MMP16: variants seen among roughly 807,000 people sequenced by gnomAD.
The protein encoded by MMP16 is matrix metallopeptidase 16, also known as matrix metalloproteinase-16.
MMP16 carries 12 observed loss-of-function variants against 67.8 expected under a neutral mutation model. That is an observed-to-expected ratio of 0.18 (90% CI 0.11 to 0.29). The LOEUF (loss-of-function observed/expected upper bound fraction) is 0.29, where lower values mean the gene tolerates loss of function less well. Among genes scored for constraint, MMP16 ranks in the 10% least tolerant of loss-of-function variants. The pLI is 1.00. For missense variants in MMP16, 475 were observed against 765.7 expected (o/e 0.62, Z 4.48); for synonymous variants, 249 against 255.9 (o/e 0.97, Z 0.26).
intron 4 of MMP16, among the ~76,000 whole-genome samples, chr8:88,163,510 C>T (rs774893624): frequency 2.6e-5 from 4 of 151,950 alleles, no homozygotes; most frequent in Admixed American, 6.6e-5. Flanking sequence ...ATTGCAACTA[C>T]GTGGTAAAAT....
intron 1 of MMP16, among the ~76,000 whole-genome samples, chr8:88,308,139 A>AT (rs1189021942): frequency 6.6e-6 from 1 of 152,088 alleles, no homozygotes; most frequent in Non-Finnish European, 1.5e-5. Context: ...AACATCATAA[A>AT]TGCATTACTG....
At chr8:88,179,139 T>C (rs1474405313) in intron 3 of MMP16, among the ~76,000 whole-genome samples, 1 of 151,820 alleles carries the variant, frequency 6.6e-6, no homozygotes, top group South Asian at 2.1e-4. Context: ...TAAAAAAAAC[T>C]ATACCTAAGC....
At chr8:88,303,361 T>G (rs1000931392) in intron 1 of MMP16, among the ~76,000 whole-genome samples, 1 of 152,146 alleles carries the variant, frequency 6.6e-6, no homozygotes, top group Non-Finnish European at 1.5e-5. Flanking sequence ...CTCTGTGGTT[T>G]GGTCTACACA....
Position 88,098,725 on chromosome 8 carries a change from C to T in MMP16, c.1083+17782G>A, listed in dbSNP as rs1809077464. Among the ~76,000 whole-genome samples, 3 of 151,994 alleles carry T rather than the reference C, an allele frequency of 2.0e-5. No homozygotes were observed. In the South Asian group the frequency reaches 6.2e-4, roughly 31 times the overall value. ...AAACAACTTCATTGTCTATTGTGAACACCCGGCTCTCATCTGACACCTATC... is the reference window on the plus strand; with the variant it reads ...AAACAACTTCATTGTCTATTGTGAATACCCGGCTCTCATCTGACACCTATC... On this transcript the variant is annotated intron_variant, in intron 6 of 9. Coordinates refer to ENST00000286614, the MANE Select transcript of MMP16 (RefSeq NM_005941.5).
At chr8:88,212,062 C>A (rs1809520972) in intron 1 of MMP16, among the ~76,000 whole-genome samples, 1 of 152,132 alleles carries the variant, frequency 6.6e-6, no homozygotes, top group African/African-American at 2.4e-5. Flanking sequence ...TACCAAAGGG[C>A]CTTGACCAAT....
At chr8:88,195,151 T>C (rs971621707) in intron 2 of MMP16, among the ~76,000 whole-genome samples, 1 of 152,024 alleles carries the variant, frequency 6.6e-6, no homozygotes, top group Non-Finnish European at 1.5e-5. Context: ...CCTGTGCACA[T>C]TACTCTTCCA....
At chr8:88,081,352 G>T (rs1032179473) in intron 6 of MMP16, among the ~76,000 whole-genome samples, 1 of 152,114 alleles carries the variant, frequency 6.6e-6, no homozygotes, top group African/African-American at 2.4e-5. Flanking sequence ...TGGAGAAAAA[G>T]CAAACTATCA....
intron 1 of MMP16, among the ~76,000 whole-genome samples, chr8:88,279,688 C>T (rs1300220967): frequency 1.3e-5 from 2 of 152,002 alleles, no homozygotes; most frequent in Non-Finnish European, 2.9e-5. Context: ...GGGGCCACTG[C>T]ATTTGGTAAT....
chr8:88,119,197 C>T (rs533877655), intron 4 of MMP16, among the ~76,000 whole-genome samples: 1 of 152,148 alleles, frequency 6.6e-6, no homozygotes, highest in South Asian at 2.1e-4. Context: ...TAACGTGAAA[C>T]ATCTTACTTT....
intron 3 of MMP16, among the ~76,000 whole-genome samples, chr8:88,173,602 A>C (rs1166064567): frequency 2.0e-5 from 3 of 152,346 alleles, no homozygotes; most frequent in African/African-American, 7.2e-5. Flanking sequence ...AAGGGAAAGC[A>C]GACAATTGCT....
In MMP16 at chr8:88,241,803, T is replaced by C. The variant is rs185914047; in HGVS notation, c.133-44497A>G. Among the ~76,000 whole-genome samples the C allele has an allele frequency of 3.3e-3, 507 of 152,180 alleles. 5 individuals are homozygous for C. The Middle Eastern group carries it at 0.045, about 14-fold the overall frequency. The stretch of plus-strand genomic sequence containing the variant: ...GTAATGATCAAATCAGAGTAATTAG[T>C]GTATTCATTACTTCAAACATTTATC... On this transcript the variant is annotated intron_variant, in intron 1 of 9. Coordinates refer to ENST00000286614, the MANE Select transcript of MMP16 (RefSeq NM_005941.5).
chr8:88,317,951 C>T (rs572405388), intron 1 of MMP16, among the ~76,000 whole-genome samples: 19 of 152,154 alleles, frequency 1.2e-4, no homozygotes, highest in Middle Eastern at 3.4e-3. Context: ...TGAAAAATGT[C>T]GCTTTATATT....
At chr8:88,308,383 T>C (rs1811243490) in intron 1 of MMP16, among the ~76,000 whole-genome samples, 1 of 152,092 alleles carries the variant, frequency 6.6e-6, no homozygotes, top group South Asian at 2.1e-4. Flanking sequence ...ATGTTCTATC[T>C]TGTCAGTGGT....
intron 7 of MMP16, among the ~76,000 whole-genome samples, chr8:88,056,667 C>G (rs375848192): frequency 6.6e-6 from 1 of 152,062 alleles, no homozygotes; most frequent in African/African-American, 2.4e-5. Context: ...TTTTGAGCAA[C>G]GGGTATGCCC....
At chr8:88,095,887 G>C (rs1409614525) in intron 6 of MMP16, among the ~76,000 whole-genome samples, 1 of 151,916 alleles carries the variant, frequency 6.6e-6, no homozygotes, top group Non-Finnish European at 1.5e-5. Flanking sequence ...ATTGGAAATG[G>C]AGTAGTGAAT....
At chr8:88,251,085 T>G (rs1322842381) in intron 1 of MMP16, among the ~76,000 whole-genome samples, 2 of 151,954 alleles carry the variant, frequency 1.3e-5, no homozygotes, top group African/African-American at 4.8e-5. Context: ...ATTTCATCCA[T>G]GTCCCTACAA....
At chr8:88,210,780 C>T in intron 1 of MMP16, among the ~76,000 whole-genome samples, 1 of 152,056 alleles carries the variant, frequency 6.6e-6, no homozygotes, top group Non-Finnish European at 1.5e-5. Context: ...CATCCCCATA[C>T]CCAGAGATAA....
At chr8:88,066,951 T>C (rs1206978585) in intron 7 of MMP16, among the ~76,000 whole-genome samples, 2 of 152,074 alleles carry the variant, frequency 1.3e-5, no homozygotes. Context: ...TTATTCAAAA[T>C]GTGGGCATCA....
chr8:88,111,106 G>A (rs1374413204), intron 6 of MMP16, among the ~76,000 whole-genome samples: 8 of 151,550 alleles, frequency 5.3e-5, no homozygotes, highest in Non-Finnish European at 7.4e-5. Context: ...AGAGTTTAAG[G>A]ATGATCTTAT....
Sources: allele counts gnomAD v4.1 joint callset (sites outside exome capture counted in the v4.1 genomes callset), GRCh38; gene constraint gnomAD v4.1.1; transcripts MANE v1.5; gene names NCBI Gene and HGNC (gene_info 2026-07-23, HGNC 2026-07-21).